Variants in ACADM observed in about 807,000 individuals in gnomAD.
ACADM encodes acyl-CoA dehydrogenase medium chain.
In ACADM, 49 loss-of-function variants were observed where a neutral mutation model predicts 58.9. That is an observed-to-expected ratio of 0.83 (90% CI 0.66 to 1.06). ACADM has a LOEUF of 1.06. Among genes scored for constraint, ACADM ranks in the 50% least tolerant of loss-of-function variants. The probability of loss-of-function intolerance (pLI) is 0.00; values close to 1 mark genes in which losing one functional copy is unlikely to be tolerated. For synonymous variants in ACADM, 160 were observed against 157.7 expected (o/e 1.01, Z -0.11); for missense variants, 496 against 507.0 (o/e 0.98, Z 0.21).
chr1:75,733,075 A>C, intron 4 of ACADM, 153 bp downstream of exon 4: 5 of 1,613,056 alleles, frequency 3.1e-6, no homozygotes, highest in Non-Finnish European at 4.2e-6. Context: ...CCACTTTTGG[A>C]AGCTTGCACT....
intron 2 of ACADM, among the ~76,000 whole-genome samples, chr1:75,729,886 T>A: frequency 1.9e-5 from 1 of 52,804 alleles, no homozygotes; most frequent in Non-Finnish European, 3.4e-5. Context: ...GGATGGTGGA[T>A]TTTTTTTTTT....
At chr1:75,742,230 G>C (rs1557452114) in intron 7 of ACADM, among the ~76,000 whole-genome samples, 2 of 144,052 alleles carry the variant, frequency 1.4e-5, no homozygotes, top group African/African-American at 2.6e-5. Flanking sequence ...TCAAATGTCA[G>C]CAGCCTCAGG....
At chr1:75,749,708 CTTTCTT>C in intron 9 of ACADM, 149 bp downstream of exon 9, 28 of 466,626 alleles carry the variant, frequency 6.0e-5, no homozygotes, top group African/African-American at 5.1e-4. Flanking sequence ...TGTTACTTTT[CTTTCTT>C]TTTTTTTTTT....
intron 10 of ACADM, among the ~76,000 whole-genome samples, chr1:75,753,446 T>C (rs1009058743): frequency 6.6e-6 from 1 of 151,992 alleles, no homozygotes; most frequent in Admixed American, 6.5e-5. Context: ...AGTATTTCTT[T>C]GTTAACTCCT....
chr1:75,734,829 G>C lies in ACADM; in HGVS notation c.426G>C (p.Lys142Asn). 6.2e-7 allele frequency: 1 copy of C among 1,613,924 alleles called. No individual in the cohort carries two copies. Among genetic ancestry groups the C allele is most frequent in the Non-Finnish European group, 8.5e-7 (1 of 1,179,900 alleles). Reference sequence around the variant, plus strand: ...TTATTGCTGGAAATGATCAACAAAAGAAGAAGTATTTGGGGAGAATGACTG... The same window carrying C: ...TTATTGCTGGAAATGATCAACAAAACAAGAAGTATTTGGGGAGAATGACTG... The part of the protein sequence containing the change: ...PIIIAGNDQQ[K>N]KKYLGRMTEE... The change falls in exon 6 of 12, where the codon AAG (lysine) becomes AAC (asparagine). Residue 142 changes from lysine to asparagine, a missense_variant. Transcript: ENST00000370841.
At chr1:75,734,439 T>C (rs1312660007) in intron 5 of ACADM, among the ~76,000 whole-genome samples, 1 of 151,586 alleles carries the variant, frequency 6.6e-6, no homozygotes, top group Non-Finnish European at 1.5e-5. Context: ...CCTCCCAAAG[T>C]GCTGGGATTA....
intron 2 of ACADM, among the ~76,000 whole-genome samples, chr1:75,729,288 CTTTTTTCTTTT>C (rs1195125500): frequency 1.9e-5 from 1 of 52,982 alleles, no homozygotes; most frequent in Non-Finnish European, 3.8e-5. Flanking sequence ...TTCTTTCTTT[CTTTTTTCTTTT>C]TTTTTTTTTT....
chr1:75,728,044 C>T (rs1647083392), intron 1 of ACADM, among the ~76,000 whole-genome samples: 2 of 152,064 alleles, frequency 1.3e-5, no homozygotes, highest in Non-Finnish European at 2.9e-5. Context: ...CTATCGTTCT[C>T]CCCACCCCAA....
At position 75,745,789 on chromosome 1, in the gene ACADM, G is replaced by T; in HGVS notation, c.600-17G>T. Reference sequence around the variant, plus strand: ...TTGCCGATATTATCACCATTATCCGGTATGTGTATCTCTTAGGTATTTTTT... The same window carrying T: ...TTGCCGATATTATCACCATTATCCGTTATGTGTATCTCTTAGGTATTTTTT... On this transcript the variant is annotated splice_polypyrimidine_tract_variant and intron_variant, in intron 7 of 11. Coordinates refer to ENST00000370841, the MANE Select transcript of ACADM (RefSeq NM_000016.6). 1 of 1,549,840 alleles carries T rather than the reference G, an allele frequency of 6.5e-7. No individual in the cohort carries two copies. The highest frequency in any genetic ancestry group is 8.9e-7 in the Non-Finnish European group (1 of 1,121,528).
At chr1:75,730,253 A>G (rs1377977916) in intron 2 of ACADM, among the ~76,000 whole-genome samples, 1 of 152,078 alleles carries the variant, frequency 6.6e-6, no homozygotes, top group Admixed American at 6.5e-5. Context: ...GTCACTTTAA[A>G]TTTCTCTCTC....
At chr1:75,741,805 A>G (rs568749287) in intron 7 of ACADM, among the ~76,000 whole-genome samples, 1 of 152,260 alleles carries the variant, frequency 6.6e-6, no homozygotes, top group East Asian at 1.9e-4. Context: ...TTTTAAAAGA[A>G]TTTTTCGTGT....
intron 10 of ACADM, among the ~76,000 whole-genome samples, chr1:75,754,026 G>C (rs577226869): frequency 6.7e-6 from 1 of 148,458 alleles, no homozygotes; most frequent in Non-Finnish European, 1.5e-5. Context: ...GAACTCCTGA[G>C]CTTGAGTAAT....
chr1:75,750,528 C>T lies in ACADM; in HGVS notation c.927C>T (p.Phe309=), dbSNP rs771550655. The T allele has an allele frequency of 2.0e-5, 32 of 1,611,352 alleles. No homozygotes were observed. The highest frequency in any genetic ancestry group is 2.7e-5 in the African/African-American group (2 of 74,852). The stretch of plus-strand genomic sequence containing the variant: ...AGTATGCCCTGGAAAGGAAAACTTT[C>T]GGAAAGCTACTTGTAGAGGTAATTT... ...ATKYALERKT[F]GKLLVEHQAI... The change falls in exon 10 of 12, where the codon TTC becomes TTT. Residue 309 remains phenylalanine (F), a synonymous_variant. Transcript: ENST00000370841.
chr1:75,745,383 A>T, intron 7 of ACADM: 1 of 177,834 alleles, frequency 5.6e-6, no homozygotes, highest in Non-Finnish European at 1.2e-5. Flanking sequence ...CCAGTGACTC[A>T]GAAGAGGTGG....
At chr1:75,746,180 A>G (rs893375927) in intron 8 of ACADM, among the ~76,000 whole-genome samples, 5 of 152,234 alleles carry the variant, frequency 3.3e-5, no homozygotes, top group Non-Finnish European at 7.3e-5. Flanking sequence ...TCAAGCTATC[A>G]TTTATATTAC....
rs554016138 is a variant in ACADM at position 75,737,910 on chromosome 1, A to ATATT, written c.469-2052_469-2049dup. The stretch of plus-strand genomic sequence containing the variant: ...GCCCTTCAGATGTTTGAGTATAGTT[A>ATATT]TATTTATTTATTTATTTATTTTTTG... On this transcript the variant is annotated intron_variant, in intron 6 of 11. Transcript: ENST00000370841. Among the ~76,000 whole-genome samples, 571 of 151,722 alleles carry ATATT rather than the reference A, an allele frequency of 3.8e-3. 1 individual carries two copies. Among genetic ancestry groups the ATATT allele is most frequent in the Middle Eastern group, 0.031 (9 of 294 alleles).
At chr1:75,750,990 C>T (rs531946074) in intron 10 of ACADM, 1 of 250,132 alleles carries the variant, frequency 4.0e-6, no homozygotes, top group South Asian at 5.0e-5. Context: ...CTCAGCCTCC[C>T]ATAGTGCTGG....
rs1385674938 is a variant in ACADM at position 75,745,921 on chromosome 1, T to G, written c.708+7T>G. 1 of 1,581,440 alleles carries G rather than the reference T, an allele frequency of 6.3e-7. No individual in the cohort carries two copies. Among genetic ancestry groups the G allele is most frequent in the Non-Finnish European group, 8.7e-7 (1 of 1,150,480 alleles). On this transcript the variant is annotated splice_region_variant and intron_variant, in intron 8 of 11. Coordinates refer to ENST00000370841, the MANE Select transcript of ACADM (RefSeq NM_000016.6). Reference sequence around the variant, plus strand: ...AATTCAGATTGGGAGAAAGGTAAAGTATTTATTAATGATTAGGGCCCCAAA... The same window carrying G: ...AATTCAGATTGGGAGAAAGGTAAAGGATTTATTAATGATTAGGGCCCCAAA...
intron 7 of ACADM, among the ~76,000 whole-genome samples, chr1:75,744,969 TA>T (rs1647810169): frequency 6.6e-6 from 1 of 152,174 alleles, no homozygotes; most frequent in African/African-American, 2.4e-5. Flanking sequence ...CTCATATTAC[TA>T]AAAGAAAGTT....
Sources: gnomAD v4.1 joint callset for allele counts (sites outside exome capture counted in the v4.1 genomes callset) on GRCh38, gnomAD v4.1.1 for gene constraint, MANE v1.5 for transcripts, NCBI Gene and HGNC (gene_info 2026-07-23, HGNC 2026-07-21) for gene names.